RALGAPB: variants seen among roughly 807,000 people sequenced by gnomAD.
The protein encoded by RALGAPB is Ral GTPase activating protein non-catalytic subunit beta, also known as ral GTPase-activating protein subunit beta.
In RALGAPB, 25 loss-of-function variants were observed where a neutral mutation model predicts 161.1. The observed-to-expected ratio is 0.16, with a 90% CI of 0.11 to 0.22. The LOEUF (loss-of-function observed/expected upper bound fraction) is 0.22, where lower values mean the gene tolerates loss of function less well. Ranked by LOEUF, RALGAPB falls within the 10% of genes least tolerant of loss-of-function variation. The pLI, the probability that RALGAPB is intolerant of heterozygous loss-of-function variation, is 1.00. For missense variants in RALGAPB, 1,391 were observed against 1,815.2 expected, an observed-to-expected ratio of 0.77 and a Z score of 4.25; for synonymous variants, 629 against 626.1, an observed-to-expected ratio of 1.00 and a Z score of -0.07.
intron 9 of RALGAPB, among the ~76,000 whole-genome samples, chr20:38,518,596 AAG>A (rs2123099347): frequency 1.3e-5 from 2 of 152,336 alleles, no homozygotes; most frequent in African/African-American, 4.8e-5. Context: ...GAAACTGTCT[AAG>A]AGCTGGTGGT....
chr20:38,510,842 G>A (rs1242746927), intron 6 of RALGAPB, among the ~76,000 whole-genome samples: 1 of 121,232 alleles, frequency 8.2e-6, no homozygotes, highest in Non-Finnish European at 1.5e-5. Context: ...CCCGGGAGGC[G>A]GAGCTTGCAG....
intron 2 of RALGAPB, among the ~76,000 whole-genome samples, chr20:38,491,862 T>G (rs1362093461): frequency 6.6e-6 from 1 of 152,240 alleles, no homozygotes; most frequent in Non-Finnish European, 1.5e-5. Context: ...TTGGCATGGC[T>G]TGATCTTATT....
intron 5 of RALGAPB, among the ~76,000 whole-genome samples, chr20:38,502,058 GGTAA>G (rs1187939283): frequency 2.0e-5 from 3 of 152,044 alleles, no homozygotes; most frequent in African/African-American, 7.2e-5. Context: ...GTAAACAATA[GGTAA>G]AGAAATGTAA....
chr20:38,532,694 A>G, intron 14 of RALGAPB, 36 bp from the exon 15 acceptor site: 1 of 1,608,780 alleles, frequency 6.2e-7, no homozygotes, highest in Non-Finnish European at 8.5e-7. Flanking sequence ...GTAAACTGTG[A>G]TGTAATCCTC....
At chr20:38,534,925 C>T (rs1247828605) in intron 15 of RALGAPB, 149 bp from the exon 16 acceptor site, 3 of 935,054 alleles carry the variant, frequency 3.2e-6, no homozygotes, top group Non-Finnish European at 4.9e-6. Flanking sequence ...GCACTCAACC[C>T]AGTGGGGTGG....
Position 38,576,462 on chromosome 20 carries a change from A to C in RALGAPB, c.*1495A>C, listed in dbSNP as rs138072958. The C allele has an allele frequency of 6.6e-6, 1 of 152,392 alleles. No individual in the cohort carries two copies. Among genetic ancestry groups the C allele is most frequent in the Non-Finnish European group, 1.5e-5 (1 of 68,038 alleles). The allele number at this position is 152,392 out of a possible 1,614,324, so 9.4% of individuals were successfully genotyped here. ...TCCAGAAATGTGCATTTTGTCATCT[A>C]TAAGCAAGAAATATGGGCATAGCAG... is the stretch of plus-strand genomic sequence containing the variant. On this transcript the variant is annotated 3_prime_UTR_variant, in exon 30 of 30. Coordinates refer to ENST00000262879, the MANE Select transcript of RALGAPB (RefSeq NM_020336.4).
chr20:38,533,417 G>A (rs1041556544), intron 15 of RALGAPB, among the ~76,000 whole-genome samples: 10 of 152,192 alleles, frequency 6.6e-5, no homozygotes, highest in African/African-American at 2.4e-4. Flanking sequence ...TTGGGCAGTT[G>A]TTTTATGGAT....
chr20:38,489,541 G>A (rs2085215479), intron 2 of RALGAPB, among the ~76,000 whole-genome samples: 1 of 152,128 alleles, frequency 6.6e-6, no homozygotes, highest in Admixed American at 6.6e-5. Flanking sequence ...GAGTGATAGA[G>A]GAGCTTGCTA....
intron 23 of RALGAPB, 26 bp downstream of exon 23, chr20:38,558,479 TG>T: frequency 6.7e-7 from 1 of 1,487,562 alleles, no homozygotes. Flanking sequence ...TTTTTTTTTT[TG>T]GTATGTTTTT....
intron 13 of RALGAPB, among the ~76,000 whole-genome samples, chr20:38,527,361 G>A (rs911574049): frequency 2.0e-5 from 3 of 152,126 alleles, no homozygotes; most frequent in Non-Finnish European, 2.9e-5. Flanking sequence ...GGGTCACAAC[G>A]GCCAAGAACC....
At chr20:38,551,268 C>T (rs1359993634) in intron 21 of RALGAPB, 45 bp downstream of exon 21, 4 of 1,578,672 alleles carry the variant, frequency 2.5e-6, no homozygotes, top group East Asian at 2.2e-5. Context: ...TGAATAGAAA[C>T]ATTCTTACGA....
chr20:38,535,318 T>C, intron 16 of RALGAPB, 111 bp downstream of exon 16: 2 of 1,264,140 alleles, frequency 1.6e-6, no homozygotes, highest in Non-Finnish European at 2.2e-6. Flanking sequence ...TGCTCAAACA[T>C]AGTTTATATT....
chr20:38,488,892 C>G (rs2085196989), intron 2 of RALGAPB, among the ~76,000 whole-genome samples: 1 of 152,186 alleles, frequency 6.6e-6, no homozygotes, highest in African/African-American at 2.4e-5. Flanking sequence ...CAATTCTCCA[C>G]TTGAGCTGAA....
At chr20:38,508,930 CTG>C in intron 5 of RALGAPB, 145 bp from the exon 6 acceptor site, 1 of 869,560 alleles carries the variant, frequency 1.2e-6, no homozygotes, top group South Asian at 2.1e-5. Flanking sequence ...TTCAGTTTGT[CTG>C]TTTTATAAAT....
At position 38,508,915 on chromosome 20, in the gene RALGAPB, CCT is replaced by C. The variant is rs143978307; in HGVS notation, c.741-159_741-158del. ...TCCCAAACATAAAAAAACTAGAAAT[CCT>C]CTTTCAGTTTGTCTGTTTTATAAAT... On this transcript the variant is annotated intron_variant, in intron 5 of 29. Coordinates refer to ENST00000262879, the MANE Select transcript of RALGAPB (RefSeq NM_020336.4). Among the ~76,000 whole-genome samples the C allele has an allele frequency of 9.4e-3, 1,436 of 152,238 alleles. 23 individuals carry two copies. The highest frequency in any genetic ancestry group is 0.033 in the African/African-American group (1,353 of 41,532).
chr20:38,519,035 G>A (rs1461034626), intron 9 of RALGAPB, among the ~76,000 whole-genome samples: 1 of 152,012 alleles, frequency 6.6e-6, no homozygotes, highest in Admixed American at 6.6e-5. Flanking sequence ...CATTATACTC[G>A]TAATTATTTT....
intron 10 of RALGAPB, among the ~76,000 whole-genome samples, chr20:38,524,174 A>G (rs997004194): frequency 4.6e-5 from 7 of 152,146 alleles, no homozygotes; most frequent in African/African-American, 1.7e-4. Context: ...AAACTAAGCT[A>G]TATTCAGGTA....
At position 38,576,142 on chromosome 20, in the gene RALGAPB, G is replaced by C. The variant is rs2088427877; in HGVS notation, c.*1175G>C. 6.6e-6 allele frequency: 1 copy of C among 152,570 alleles called. No homozygotes were observed. Among genetic ancestry groups the C allele is most frequent in the Non-Finnish European group, 1.5e-5 (1 of 68,040 alleles). The allele number at this position is 152,570 out of a possible 1,614,324, so 9.5% of individuals were successfully genotyped here. A position where few individuals can be genotyped will look rare whatever the true frequency, so the allele number is the denominator to read the frequency against. ...TTTCTGCAGGGATAAAACTTTTGAGGTGGCCAGACCCAGAACATCCAAGGA... is the reference window on the plus strand; with the variant it reads ...TTTCTGCAGGGATAAAACTTTTGAGCTGGCCAGACCCAGAACATCCAAGGA... On this transcript the variant is annotated 3_prime_UTR_variant, in exon 30 of 30. Coordinates refer to ENST00000262879, the MANE Select transcript of RALGAPB (RefSeq NM_020336.4).
intron 4 of RALGAPB, among the ~76,000 whole-genome samples, chr20:38,499,031 A>G (rs2085505655): frequency 6.6e-6 from 1 of 152,246 alleles, no homozygotes; most frequent in Non-Finnish European, 1.5e-5. Context: ...AGCAGTTGGT[A>G]TTAGGTATTA....
Sources: allele counts gnomAD v4.1 joint callset (sites outside exome capture counted in the v4.1 genomes callset), GRCh38; gene constraint gnomAD v4.1.1; transcripts MANE v1.5; gene names NCBI Gene and HGNC (gene_info 2026-07-23, HGNC 2026-07-21).